The following PHLDB1 variants were observed in gnomAD, a reference collection of about 807,000 sequenced individuals.
PHLDB1 encodes the protein pleckstrin homology like domain family B member 1, also known as pleckstrin homology-like domain family B member 1.
A neutral mutation model predicts 139.3 loss-of-function variants in PHLDB1; 65 were observed. The observed-to-expected ratio is 0.47, with a 90% CI of 0.38 to 0.57. The LOEUF (loss-of-function observed/expected upper bound fraction) is 0.57. PHLDB1 is among the 20% of genes least tolerant of loss of function. PHLDB1 has a pLI of 0.00. For missense variants in PHLDB1, 1,624 were observed against 1,839.7 expected, an observed-to-expected ratio of 0.88 and a Z score of 2.14; for synonymous variants, 679 against 734.5, an observed-to-expected ratio of 0.92 and a Z score of 1.22.
intron 18 of PHLDB1, among the ~76,000 whole-genome samples, chr11:118,648,304 TGTG>T (rs1947858280): frequency 6.6e-6 from 1 of 150,908 alleles, no homozygotes; most frequent in Non-Finnish European, 1.5e-5. Flanking sequence ...TGTGTGTGTG[TGTG>T]TGTGTGTGTG....
Position 118,631,218 on chromosome 11 carries a change from C to A in PHLDB1, c.1839C>A (p.Arg613=). Residue 613 remains arginine, a synonymous_variant, in exon 7 of 23, where the codon CGC becomes CGA. Coordinates refer to ENST00000600882, the MANE Select transcript of PHLDB1 (RefSeq NM_001144758.3). ...EQEMERLERQ[R]LETILNLCAE... is the part of the protein sequence containing the mutation. ...TCCATCCTCCCCAGGAACGCCAGCGCCTGGAGACCATCCTGAACCTGTGTG... is the reference window on the plus strand; with the variant it reads ...TCCATCCTCCCCAGGAACGCCAGCGACTGGAGACCATCCTGAACCTGTGTG... 6.3e-6 allele frequency: 9 copies of A among 1,429,732 alleles called. No homozygotes were observed. Among genetic ancestry groups the A allele is most frequent in the Non-Finnish European group, 8.3e-6 (9 of 1,087,622 alleles). 88.6% of individuals were successfully genotyped at this position (1,429,732 alleles called of 1,614,324 possible). A position where few individuals can be genotyped will look rare whatever the true frequency, so the allele number is the denominator to read the frequency against.
At chr11:118,615,969 G>T in intron 3 of PHLDB1, 72 bp from the exon 4 acceptor site, 2 of 1,226,848 alleles carry the variant, frequency 1.6e-6, no homozygotes, top group Non-Finnish European at 2.3e-6. Flanking sequence ...TTTCCACTGT[G>T]GCCCTCCTTG....
chr11:118,639,214 G>T lies in PHLDB1; in HGVS notation c.2699G>T (p.Gly900Val). 6.2e-7 allele frequency: 1 copy of T among 1,614,138 alleles called. No individual in the cohort carries two copies. Among genetic ancestry groups the T allele is most frequent in the Non-Finnish European group, 8.5e-7 (1 of 1,179,964 alleles). ...AGGAGATACCACTCACTCACAGGGG[G>T]CAGGCCTTTCCCGAAGACCACATCG... ...LERRYHSLTGGRPFPKTTSTL... is the reference protein window; with the variant it reads ...LERRYHSLTGVRPFPKTTSTL... Residue 900 changes from glycine (G) to valine (V), a missense_variant, in exon 12 of 23, where the codon GGC (glycine) becomes GTC (valine). Physicochemically the swap from Gly to Val is moderately radical, Grantham distance 109 (BLOSUM62 -3). Coordinates refer to ENST00000600882, the MANE Select transcript of PHLDB1 (RefSeq NM_001144758.3).
intron 4 of PHLDB1, chr11:118,621,498 G>A (rs918621704): frequency 6.6e-6 from 1 of 152,164 alleles, no homozygotes; most frequent in Non-Finnish European, 1.5e-5. Context: ...TGGAGGGCCC[G>A]AGCTAGCGGG....
At chr11:118,639,527 G>A (rs1946184204) in intron 12 of PHLDB1, 1 of 488,664 alleles carries the variant, frequency 2.0e-6, no homozygotes, top group East Asian at 3.7e-5. Flanking sequence ...CCTGGGTTGG[G>A]TGGGTAGACA....
At chr11:118,639,369 G>T in intron 12 of PHLDB1, 118 bp downstream of exon 12, 1 of 747,324 alleles carries the variant, frequency 1.3e-6, no homozygotes, top group Non-Finnish European at 2.4e-6. Context: ...TTCCTGAATG[G>T]GAGAGATTTG....
Position 118,608,614 on chromosome 11 carries a change from G to A in PHLDB1, c.-22+915G>A, listed in dbSNP as rs1555080901. ...CTCAGCGGTCCTGGAGCCTCCCGAG[G>A]CTGACTCATCGGGCGGCGGGCTCAC... On this transcript the variant is annotated intron_variant, in intron 1 of 22. Transcript: ENST00000600882. This position sits in a 1 kb window ranked among gnomAD's most constrained non-coding sequence, Gnocchi z 6.7. Among the ~76,000 whole-genome samples, 1 of 152,110 alleles carries A rather than the reference G, an allele frequency of 6.6e-6. No homozygotes were observed. The highest frequency in any genetic ancestry group is 2.4e-5 in the African/African-American group (1 of 41,426).
At chr11:118,616,700 C>G (rs1555089953) in intron 4 of PHLDB1, among the ~76,000 whole-genome samples, 1 of 152,144 alleles carries the variant, frequency 6.6e-6, no homozygotes, top group Non-Finnish European at 1.5e-5. Context: ...TTTTGGGTCA[C>G]GAATATAACC....
Position 118,610,445 on chromosome 11 carries a change from G to T in PHLDB1, c.-22+2746G>T. ...GGAGGGCGAAGGCGGCGGCCGAGAG[G>T]ACCCCAGCTCGGCCTGGCGGGCCTC... On this transcript the variant is annotated intron_variant, in intron 1 of 22. Transcript: ENST00000600882. This position sits in a 1 kb window ranked among gnomAD's most constrained non-coding sequence, Gnocchi z 8.7. The T allele has an allele frequency of 1.0e-6, 1 of 984,742 alleles. No individual in the cohort carries two copies. The highest frequency in any genetic ancestry group is 4.7e-5 in the South Asian group (1 of 21,208). 61.0% of individuals were successfully genotyped at this position (984,742 alleles called of 1,614,324 possible).
intron 6 of PHLDB1, chr11:118,630,084 TA>T (rs1555108562): frequency 1.6e-6 from 2 of 1,263,444 alleles, no homozygotes; most frequent in Admixed American, 4.9e-5. Context: ...GGAAGCTGGG[TA>T]AGTGTATGAG....
At chr11:118,614,768 G>A (rs1287875282) in intron 3 of PHLDB1, 86 bp downstream of exon 3, 11 of 1,425,916 alleles carry the variant, frequency 7.7e-6, no homozygotes, top group Admixed American at 5.6e-5. Context: ...GCATGTGTTG[G>A]GGCCCTTCTA....
In PHLDB1 at chr11:118,645,568, C is replaced by T; in HGVS notation, c.3334C>T (p.Leu1112=). ...GEEGEHAYDT[L]SLESSDSMET... ...GGAGGGTGAGCACGCCTATGATACGCTGAGTCTGGAGAGCTCTGACAGCAT... is the reference window on the plus strand; with the variant it reads ...GGAGGGTGAGCACGCCTATGATACGTTGAGTCTGGAGAGCTCTGACAGCAT... Residue 1112 remains leucine, a synonymous_variant, in exon 16 of 23, where the codon CTG becomes TTG. Coordinates refer to ENST00000600882, the MANE Select transcript of PHLDB1 (RefSeq NM_001144758.3). The surrounding 1 kb of genome is among the most constrained non-coding windows in gnomAD (Gnocchi z 5.1). 6.2e-7 allele frequency: 1 copy of T among 1,613,800 alleles called. No individual in the cohort carries two copies. The highest frequency in any genetic ancestry group is 1.1e-5 in the South Asian group (1 of 91,010).
intron 4 of PHLDB1, among the ~76,000 whole-genome samples, chr11:118,619,942 G>C (rs1411945437): frequency 6.6e-6 from 1 of 152,160 alleles, no homozygotes; most frequent in Non-Finnish European, 1.5e-5. Context: ...AGTTGTCTGG[G>C]GGATGTGTGC....
Position 118,639,187 on chromosome 11 carries a change from A to G in PHLDB1, c.2672A>G (p.Glu891Gly). Residue 891 changes from glutamate (E) to glycine (G), a missense_variant, in exon 12 of 23, where the codon GAA (glutamate) becomes GGA (glycine). Transcript: ENST00000600882. The stretch of plus-strand genomic sequence containing the variant: ...GAGAAGGAGAAGCTGACTGTGCTGG[A>G]AAGGAGATACCACTCACTCACAGGG... The part of the protein sequence containing the change: ...QKEKEKLTVL[E>G]RRYHSLTGGR... The G allele has an allele frequency of 6.2e-7, 1 of 1,614,102 alleles. No individual in the cohort carries two copies. The highest frequency in any genetic ancestry group is 8.5e-7 in the Non-Finnish European group (1 of 1,179,968).
At position 118,643,894 on chromosome 11, in the gene PHLDB1, C is replaced by T. The variant is rs782194636; in HGVS notation, c.2972C>T (p.Ser991Phe). Residue 991 changes from serine (S) to phenylalanine (F), a missense_variant, in exon 14 of 23, where the codon TCC becomes TTC. Transcript: ENST00000600882. Reference protein sequence around the residue: ...LPSSSGSSSSSSQLSVATLGR... With the variant: ...LPSSSGSSSSFSQLSVATLGR... The stretch of plus-strand genomic sequence containing the variant: ...TCCTCCTCTGGCTCTTCCTCCTCCT[C>T]CTCCCAGCTCAGCGTGGCTACCCTG... The T allele has an allele frequency of 1.1e-5, 18 of 1,611,494 alleles. No individual in the cohort carries two copies. In the Admixed American group the frequency reaches 1.7e-4, roughly 15 times the overall value.
At position 118,650,575 on chromosome 11, in the gene PHLDB1, G is replaced by C; in HGVS notation, c.3874+28G>C. 2.0e-6 allele frequency: 3 copies of C among 1,489,078 alleles called. No individual in the cohort carries two copies. The highest frequency in any genetic ancestry group is 2.8e-6 in the Non-Finnish European group (3 of 1,066,076). The allele number at this position is 1,489,078 out of a possible 1,614,324, so 92.2% of individuals were successfully genotyped here. On this transcript the variant is annotated intron_variant, in intron 20 of 22. Coordinates refer to ENST00000600882, the MANE Select transcript of PHLDB1 (RefSeq NM_001144758.3). This position sits in a 1 kb window ranked among gnomAD's most constrained non-coding sequence, Gnocchi z 4.7. ...GAGTTCCCACAAGGCCACCCTGGGG[G>C]CCAGCCAGGATCCCTGGGCTCTGTT...
chr11:118,614,498 G>C, intron 2 of PHLDB1, 61 bp from the exon 3 acceptor site: 1 of 1,593,214 alleles, frequency 6.3e-7, no homozygotes, highest in Admixed American at 1.7e-5. Flanking sequence ...TGGTGTGACT[G>C]GTTTAGGGTG....
intron 18 of PHLDB1, among the ~76,000 whole-genome samples, chr11:118,648,835 A>G (rs1292066015): frequency 6.6e-6 from 1 of 152,106 alleles, no homozygotes; most frequent in Non-Finnish European, 1.5e-5. Flanking sequence ...AATCTGTAGG[A>G]CTTAGATAGC....
chr11:118,651,826 C>CTA (rs1291213886), intron 20 of PHLDB1: 3 of 151,474 alleles, frequency 2.0e-5, no homozygotes, highest in African/African-American at 4.9e-5. Flanking sequence ...CTTACAAGTA[C>CTA]TAGGCTTCCT....
Sources: allele counts gnomAD v4.1 joint callset (sites outside exome capture counted in the v4.1 genomes callset), GRCh38; gene constraint gnomAD v4.1.1; non-coding constraint Gnocchi (gnomAD v3.1); transcripts MANE v1.5; gene names NCBI Gene and HGNC (gene_info 2026-07-23, HGNC 2026-07-21).